CCDC171: variants seen among roughly 807,000 people sequenced by gnomAD.
The protein encoded by CCDC171 is coiled-coil domain containing 171, also known as coiled-coil domain-containing protein 171.
CCDC171 carries 177 observed loss-of-function variants against 168.2 expected under a neutral mutation model. That is an observed-to-expected ratio of 1.05 (90% confidence interval 0.93 to 1.19). CCDC171 has a LOEUF of 1.19. Among genes scored for constraint, CCDC171 ranks in the 50% most tolerant of loss-of-function variants. The pLI, the probability that CCDC171 is intolerant of heterozygous loss-of-function variation, is 0.00. For missense variants in CCDC171, 1,991 were observed against 1,539.0 expected (o/e 1.29, Z -4.91); for synonymous variants, 687 against 540.8 (o/e 1.27, Z -3.75).
chr9:15,798,174 A>T (rs1249621077), intron 21 of CCDC171, among the ~76,000 whole-genome samples: 2 of 151,982 alleles, frequency 1.3e-5, no homozygotes, highest in South Asian at 4.1e-4. Context: ...TCAGATTGTC[A>T]TTTTCTTGTA....
In CCDC171 at chr9:15,874,385, C is replaced by T. The variant is rs550691561; in HGVS notation, c.3469-147C>T. 2.7e-4 allele frequency: 157 copies of T among 574,788 alleles called. 1 individual carries two copies. The highest frequency in any genetic ancestry group is 2.5e-4 in the East Asian group (8 of 31,692). The allele number at this position is 574,788 out of a possible 1,614,324, so 35.6% of individuals were successfully genotyped here. ...CTCTGAATTAGAGATTTATTTGCAA[C>T]GAAAAATCAATTAGTCCTAAATTTA... On this transcript the variant is annotated intron_variant, in intron 23 of 25. Transcript: ENST00000380701.
intron 3 of CCDC171, among the ~76,000 whole-genome samples, chr9:15,572,729 A>G (rs1340652401): frequency 6.6e-6 from 1 of 152,190 alleles, no homozygotes; most frequent in Non-Finnish European, 1.5e-5. Flanking sequence ...TAGAACTAAA[A>G]CATTTATATC....
At chr9:15,893,637 C>T (rs938156040) in intron 24 of CCDC171, among the ~76,000 whole-genome samples, 1 of 152,106 alleles carries the variant, frequency 6.6e-6, no homozygotes, top group East Asian at 1.9e-4. Flanking sequence ...ACAAACACTT[C>T]TCAAAAGGAG....
chr9:15,941,868 T>C (rs1827776434), intron 25 of CCDC171, among the ~76,000 whole-genome samples: 1 of 151,896 alleles, frequency 6.6e-6, no homozygotes, highest in African/African-American at 2.4e-5. Context: ...TTTAAATTGG[T>C]TTGTTTTTAC....
chr9:16,075,864 A>G, the CCDC171 span, among the ~76,000 whole-genome samples: 1 of 152,152 alleles, frequency 6.6e-6, no homozygotes, highest in Non-Finnish European at 1.5e-5. Context: ...ATAGCACAGC[A>G]CAGCACAGCA....
At chr9:15,649,055 G>C (rs189996480) in intron 7 of CCDC171, among the ~76,000 whole-genome samples, 2 of 152,258 alleles carry the variant, frequency 1.3e-5, no homozygotes, top group African/African-American at 4.8e-5. Flanking sequence ...CAGAGATATA[G>C]ACCAATGGAA....
At position 15,789,228 on chromosome 9, in the gene CCDC171, T is replaced by G. The variant is rs555735048; in HGVS notation, c.3267+4534T>G. 4.7e-4 allele frequency among the ~76,000 whole-genome samples: 72 copies of G among 152,238 alleles called. 3 individuals are homozygous for G. In the South Asian group the frequency reaches 0.015, roughly 31 times the overall value. ...CATTGGAGCATTTTGGATTTCAGAT[T>G]ATCAGATTTGGGATGCTCAACCAGT... On this transcript the variant is annotated intron_variant, in intron 21 of 25. Coordinates refer to ENST00000380701, the MANE Select transcript of CCDC171 (RefSeq NM_173550.4).
intron 8 of CCDC171, among the ~76,000 whole-genome samples, chr9:16,036,868 C>G (rs1311263963): frequency 6.6e-6 from 1 of 152,098 alleles, no homozygotes. Context: ...TCCTGTCATT[C>G]ACAGCAACAT....
chr9:15,643,749 C>T (rs2132591732), intron 7 of CCDC171, among the ~76,000 whole-genome samples: 1 of 152,338 alleles, frequency 6.6e-6, no homozygotes, highest in South Asian at 2.1e-4. Flanking sequence ...TCCCTATCCT[C>T]CTGCAACCAC....
At chr9:16,048,336 G>A (rs1273867688) in intron 1 of CCDC171, among the ~76,000 whole-genome samples, 1 of 152,220 alleles carries the variant, frequency 6.6e-6, no homozygotes, top group East Asian at 1.9e-4. Context: ...AGACTGATGG[G>A]CCTCTCTCTG....
chr9:16,018,807 G>A (rs1036328468), intron 3 of CCDC171, among the ~76,000 whole-genome samples: 2 of 152,214 alleles, frequency 1.3e-5, no homozygotes, highest in East Asian at 3.8e-4. Context: ...AAAAGGTTAT[G>A]GGGAACCGGG....
At chr9:15,702,380 C>T (rs1463650362) in intron 11 of CCDC171, among the ~76,000 whole-genome samples, 1 of 151,936 alleles carries the variant, frequency 6.6e-6, no homozygotes, top group Non-Finnish European at 1.5e-5. Context: ...GCTCATTTAC[C>T]ATTGAAAAAA....
intron 3 of CCDC171, among the ~76,000 whole-genome samples, chr9:16,009,382 T>C (rs2132980074): frequency 6.6e-6 from 1 of 152,322 alleles, no homozygotes; most frequent in East Asian, 1.9e-4. Context: ...TTATTAAACC[T>C]AGTATACCAC....
chr9:15,599,803 G>T (rs533363398), intron 6 of CCDC171, among the ~76,000 whole-genome samples: 1 of 152,212 alleles, frequency 6.6e-6, no homozygotes, highest in East Asian at 1.9e-4. Context: ...CGTAGATTTG[G>T]TCTTTTCACA....
At chr9:15,885,167 C>T (rs1363952413) in intron 24 of CCDC171, among the ~76,000 whole-genome samples, 1 of 152,074 alleles carries the variant, frequency 6.6e-6, no homozygotes, top group Non-Finnish European at 1.5e-5. Flanking sequence ...CAAGTGGTGA[C>T]AGTATTTGCT....
intron 6 of CCDC171, among the ~76,000 whole-genome samples, chr9:15,596,835 T>TA (rs1239185147): frequency 2.0e-5 from 3 of 152,178 alleles, no homozygotes; most frequent in Non-Finnish European, 4.4e-5. Flanking sequence ...CAGTGGTTTG[T>TA]AGTTCTCCTT....
intron 7 of CCDC171, among the ~76,000 whole-genome samples, chr9:15,654,773 A>C (rs948155133): frequency 2.6e-5 from 4 of 152,180 alleles, no homozygotes; most frequent in African/African-American, 7.2e-5. Flanking sequence ...TACTGGGTTC[A>C]TCTCACTGGG....
intron 21 of CCDC171, among the ~76,000 whole-genome samples, chr9:15,799,192 A>G (rs1476061002): frequency 7.3e-6 from 1 of 136,112 alleles, no homozygotes; most frequent in Non-Finnish European, 1.6e-5. Flanking sequence ...CTTCCTTTAT[A>G]TAGACCCGTG....
chr9:15,778,134 A>G (rs1368637494), intron 19 of CCDC171, among the ~76,000 whole-genome samples: 1 of 149,360 alleles, frequency 6.7e-6, no homozygotes, highest in Non-Finnish European at 1.5e-5. Context: ...CGTCTCTACT[A>G]AAAATACAAA....
Sources: gnomAD v4.1 joint callset for allele counts (sites outside exome capture counted in the v4.1 genomes callset) on GRCh38, gnomAD v4.1.1 for gene constraint, MANE v1.5 for transcripts, NCBI Gene and HGNC (gene_info 2026-07-23, HGNC 2026-07-21) for gene names.